Variants in WDFY2 observed in about 807,000 individuals in gnomAD.
WDFY2 encodes WD repeat and FYVE domain-containing protein 2.
Under a neutral mutation model 56.4 loss-of-function variants are expected in WDFY2, and 36 were observed. The ratio of observed to expected loss-of-function variants is 0.64; its 90% CI spans 0.49 to 0.84. The LOEUF (loss-of-function observed/expected upper bound fraction) is 0.84, where lower values mean the gene tolerates loss of function less well. WDFY2 is among the 40% of genes least tolerant of loss of function. The pLI, the probability that WDFY2 is intolerant of heterozygous loss-of-function variation, is 0.00. For synonymous variants in WDFY2, 176 were observed against 183.7 expected, an observed-to-expected ratio of 0.96 and a Z score of 0.34; for missense variants, 444 against 512.2, an observed-to-expected ratio of 0.87 and a Z score of 1.29.
At chr13:51,712,295 C>A (rs1176907492) in intron 4 of WDFY2, among the ~76,000 whole-genome samples, 1 of 152,084 alleles carries the variant, frequency 6.6e-6, no homozygotes, top group Middle Eastern at 3.4e-3. Context: ...TGGGGCCTAT[C>A]GTGGTGTGGG....
intron 1 of WDFY2, among the ~76,000 whole-genome samples, chr13:51,585,431 C>T (rs962099826): frequency 6.6e-6 from 1 of 152,196 alleles, no homozygotes; most frequent in African/African-American, 2.4e-5. Flanking sequence ...AGGAGAAGCG[C>T]GTAGAACTTG....
chr13:51,678,130 G>C (rs1955916676), intron 3 of WDFY2, among the ~76,000 whole-genome samples: 1 of 152,128 alleles, frequency 6.6e-6, no homozygotes. Context: ...ATTTTTGGCA[G>C]ATGATTCCTG....
chr13:51,630,644 A>AG (rs1954934649), intron 1 of WDFY2, among the ~76,000 whole-genome samples: 1 of 151,552 alleles, frequency 6.6e-6, no homozygotes, highest in African/African-American at 2.4e-5. Context: ...TCTCTTTTAT[A>AG]GGGGTATTTA....
chr13:51,607,445 T>G (rs1314621985), intron 1 of WDFY2, among the ~76,000 whole-genome samples: 1 of 152,206 alleles, frequency 6.6e-6, no homozygotes, highest in African/African-American at 2.4e-5. Context: ...TCCAGTCATG[T>G]TGCCAAGGAG....
chr13:51,599,899 A>C (rs945831922), intron 1 of WDFY2, among the ~76,000 whole-genome samples: 4 of 151,974 alleles, frequency 2.6e-5, no homozygotes, highest in Middle Eastern at 3.4e-3. Context: ...AAACAAACAA[A>C]AAAAAAAACA....
At chr13:51,631,611 TTTG>T (rs938787875) in intron 1 of WDFY2, among the ~76,000 whole-genome samples, 15 of 152,234 alleles carry the variant, frequency 9.9e-5, no homozygotes, top group African/African-American at 3.6e-4. Flanking sequence ...ATGAGAAACA[TTTG>T]TTCATTTTTT....
At chr13:51,597,183 G>C (rs1174808341) in intron 1 of WDFY2, among the ~76,000 whole-genome samples, 1 of 152,146 alleles carries the variant, frequency 6.6e-6, no homozygotes, top group Non-Finnish European at 1.5e-5. Flanking sequence ...ATTGAACCCA[G>C]AAGAACTGTA....
chr13:51,641,154 C>A (rs1955147477), intron 1 of WDFY2, among the ~76,000 whole-genome samples: 1 of 151,980 alleles, frequency 6.6e-6, no homozygotes, highest in Admixed American at 6.5e-5. Flanking sequence ...CTCACTGCAA[C>A]CTCCGCCCTC....
chr13:51,596,024 G>C (rs1174710934), intron 1 of WDFY2, among the ~76,000 whole-genome samples: 1 of 152,058 alleles, frequency 6.6e-6, no homozygotes, highest in African/African-American at 2.4e-5. Flanking sequence ...TTTTTATTTT[G>C]TGCATCTGGA....
rs890206802 is a variant in WDFY2 at position 51,650,912 on chromosome 13, G to A, written c.138-9684G>A. 7.9e-4 allele frequency among the ~76,000 whole-genome samples: 121 copies of A among 152,264 alleles called. 1 individual carries two copies. The highest frequency in any genetic ancestry group is 2.2e-3 in the African/African-American group (91 of 41,532). On this transcript the variant is annotated intron_variant, in intron 1 of 11. Coordinates refer to ENST00000298125, the MANE Select transcript of WDFY2 (RefSeq NM_052950.4). ...TGTCTCTGCCAGGCTTTGGTATCAGGATGATGCTGGCCTCATAAAATGAGT... is the reference window on the plus strand; with the variant it reads ...TGTCTCTGCCAGGCTTTGGTATCAGAATGATGCTGGCCTCATAAAATGAGT...
At chr13:51,755,508 C>A in intron 9 of WDFY2, 49 bp downstream of exon 9, 1 of 1,562,764 alleles carries the variant, frequency 6.4e-7, no homozygotes, top group Non-Finnish European at 8.8e-7. Flanking sequence ...GGAAATAGCT[C>A]AACCATGTGA....
At chr13:51,658,196 T>A (rs1955544824) in intron 1 of WDFY2, among the ~76,000 whole-genome samples, 1 of 152,226 alleles carries the variant, frequency 6.6e-6, no homozygotes, top group African/African-American at 2.4e-5. Context: ...TTTTTGCAAA[T>A]ACTATATTCC....
At chr13:51,675,632 T>A (rs537061073) in intron 3 of WDFY2, among the ~76,000 whole-genome samples, 3 of 152,232 alleles carry the variant, frequency 2.0e-5, no homozygotes, top group South Asian at 2.1e-4. Flanking sequence ...TTCCCTTATG[T>A]CTGCATGTCT....
chr13:51,619,713 C>T (rs1184315310), intron 1 of WDFY2, among the ~76,000 whole-genome samples: 2 of 152,124 alleles, frequency 1.3e-5, no homozygotes. Flanking sequence ...ATTGGGTAGT[C>T]CCCAGAACCA....
chr13:51,750,346 A>T (rs1953202194), intron 7 of WDFY2, among the ~76,000 whole-genome samples: 1 of 152,196 alleles, frequency 6.6e-6, no homozygotes, highest in Non-Finnish European at 1.5e-5. Flanking sequence ...ACACAGCAAG[A>T]GGTGAAGGCT....
chr13:51,730,358 C>T (rs576339820), intron 6 of WDFY2, among the ~76,000 whole-genome samples: 1 of 152,316 alleles, frequency 6.6e-6, no homozygotes, highest in Admixed American at 6.5e-5. Context: ...GCCATTCCTT[C>T]TGGCTGTAAC....
chr13:51,651,060 G>T (rs1421864288), intron 1 of WDFY2, among the ~76,000 whole-genome samples: 4 of 152,040 alleles, frequency 2.6e-5, no homozygotes, highest in African/African-American at 9.7e-5. Context: ...TTTTTTGGTT[G>T]GTAAGCTATT....
At chr13:51,634,725 T>C (rs140022863) in intron 1 of WDFY2, among the ~76,000 whole-genome samples, 1 of 151,944 alleles carries the variant, frequency 6.6e-6, no homozygotes, top group Non-Finnish European at 1.5e-5. Context: ...GTTTTGTTTT[T>C]TTTTTCCCCA....
chr13:51,673,430 A>G (rs1033656651), intron 2 of WDFY2, among the ~76,000 whole-genome samples: 2 of 152,216 alleles, frequency 1.3e-5, no homozygotes, highest in Middle Eastern at 3.2e-3. Context: ...TTACATCTTC[A>G]TAAATTGTGA....
Sources: gnomAD v4.1 joint callset for allele counts (sites outside exome capture counted in the v4.1 genomes callset) on GRCh38, gnomAD v4.1.1 for gene constraint, MANE v1.5 for transcripts, NCBI Gene and HGNC (gene_info 2026-07-23, HGNC 2026-07-21) for gene names.